Variants in ANO1 observed in about 807,000 individuals in gnomAD.
The protein encoded by ANO1 is anoctamin 1, also known as anoctamin-1.
ANO1 carries 59 observed loss-of-function variants against 124.0 expected under a neutral mutation model. That is an observed-to-expected ratio of 0.48 (90% CI 0.39 to 0.59). The LOEUF (loss-of-function observed/expected upper bound fraction) is 0.59, where lower values mean the gene tolerates loss of function less well. ANO1 is among the 20% of genes least tolerant of loss of function. ANO1 has a pLI of 0.00. For synonymous variants in ANO1, 529 were observed against 532.0 expected, an observed-to-expected ratio of 0.99 and a Z score of 0.08; for missense variants, 1,059 against 1,328.0, an observed-to-expected ratio of 0.80 and a Z score of 3.15.
chr11:70,093,487 G>C (rs926608672), intron 2 of ANO1, among the ~76,000 whole-genome samples: 10 of 152,186 alleles, frequency 6.6e-5, no homozygotes, highest in African/African-American at 2.4e-4. Flanking sequence ...TATGTCCATG[G>C]GGTCATTGCG....
chr11:69,973,624 C>T, the ANO1 span, among the ~76,000 whole-genome samples: 98,472 of 151,832 alleles, frequency 0.65, 32,755 homozygotes, highest in East Asian at 0.8. Context: ...CTGTAATCCC[C>T]GCACTTTGGG....
At chr11:70,033,651 A>T (rs1479545054) in intron 1 of ANO1, among the ~76,000 whole-genome samples, 3 of 152,028 alleles carry the variant, frequency 2.0e-5, no homozygotes, top group African/African-American at 7.2e-5. Flanking sequence ...GAGCACATGG[A>T]TGGGGGATGC....
intron 1 of ANO1, among the ~76,000 whole-genome samples, chr11:70,071,908 G>A (rs1325739687): frequency 6.6e-6 from 1 of 151,936 alleles, no homozygotes; most frequent in Non-Finnish European, 1.5e-5. Flanking sequence ...ACAAGTGTGA[G>A]CCACCATGCC....
At chr11:69,973,689 T>G in the ANO1 span, among the ~76,000 whole-genome samples, 8 of 151,962 alleles carry the variant, frequency 5.3e-5, no homozygotes, top group East Asian at 1.6e-3. Context: ...CTGGCCAACA[T>G]GGTGAAACCC....
intron 1 of ANO1, among the ~76,000 whole-genome samples, chr11:70,034,432 C>T (rs1382730115): frequency 2.6e-5 from 4 of 152,146 alleles, no homozygotes; most frequent in African/African-American, 9.7e-5. Context: ...GGACAGACCA[C>T]AAGGGCAGCT....
chr11:70,027,097 A>G (rs1465281777), intron 1 of ANO1, among the ~76,000 whole-genome samples: 1 of 152,104 alleles, frequency 6.6e-6, no homozygotes, highest in Non-Finnish European at 1.5e-5. Context: ...CTTTCTATGC[A>G]CTTTGCCTGC....
chr11:70,139,453 A>G lies in ANO1; in HGVS notation c.1258+7374A>G, dbSNP rs534404782. Among the ~76,000 whole-genome samples the G allele has an allele frequency of 5.3e-5, 8 of 152,262 alleles. No homozygotes were observed. The South Asian group carries it at 1.5e-3, about 28-fold the overall frequency. On this transcript the variant is annotated intron_variant, in intron 11 of 25. Coordinates refer to ENST00000355303, the MANE Select transcript of ANO1 (RefSeq NM_018043.7). ...ATTCTCCTGCCTCAGCCTCCCGAGT[A>G]GCTGGGATTATAGCCGCCCGCCACC...
intron 10 of ANO1, among the ~76,000 whole-genome samples, chr11:70,127,622 G>A (rs796135001): frequency 1.3e-5 from 2 of 152,306 alleles, no homozygotes; most frequent in South Asian, 4.1e-4. Context: ...CTTGAGCCCG[G>A]GAGGTCGAGG....
intron 1 of ANO1, among the ~76,000 whole-genome samples, chr11:70,040,488 C>A (rs1228162122): frequency 6.6e-6 from 1 of 152,100 alleles, no homozygotes; most frequent in East Asian, 1.9e-4. Context: ...AGTGGCCTGG[C>A]CAACATAGTG....
chr11:70,099,952 C>T (rs2515290), intron 2 of ANO1, among the ~76,000 whole-genome samples: 17,204 of 152,154 alleles, frequency 0.11, 1,628 homozygotes, highest in East Asian at 0.36. Context: ...CTCATCTTGC[C>T]GGAGCCCCTG....
intron 1 of ANO1, among the ~76,000 whole-genome samples, chr11:70,033,604 G>C (rs1555004040): frequency 6.6e-6 from 1 of 152,120 alleles, no homozygotes; most frequent in East Asian, 1.9e-4. Flanking sequence ...GTGCATAGTA[G>C]GTGGTCGGCA....
intron 1 of ANO1, among the ~76,000 whole-genome samples, chr11:70,022,247 G>A (rs115734709): frequency 1.1e-3 from 173 of 152,206 alleles, no homozygotes; most frequent in African/African-American, 3.8e-3. Context: ...GCCTCTTCAC[G>A]ACTCTGGACC....
At chr11:70,151,424 T>C (rs1445286482) in intron 12 of ANO1, among the ~76,000 whole-genome samples, 1 of 152,122 alleles carries the variant, frequency 6.6e-6, no homozygotes. Flanking sequence ...CTGGGTGGTC[T>C]CTTCCCTTGC....
chr11:70,062,067 C>CTTTTTTTTT (rs1175846749), intron 1 of ANO1, among the ~76,000 whole-genome samples: 12 of 62,284 alleles, frequency 1.9e-4, no homozygotes, highest in Admixed American at 2.2e-4. Flanking sequence ...TTCCTTCTTT[C>CTTTTTTTTT]TTTTTTTTTT....
intron 1 of ANO1, among the ~76,000 whole-genome samples, chr11:70,033,470 T>G (rs1211682825): frequency 6.6e-6 from 1 of 152,240 alleles, no homozygotes; most frequent in Non-Finnish European, 1.5e-5. Context: ...TCCAGGCTCC[T>G]GCCTTGGGTC....
chr11:70,120,488 G>T (rs777830729), intron 8 of ANO1, among the ~76,000 whole-genome samples: 4 of 152,136 alleles, frequency 2.6e-5, no homozygotes, highest in Non-Finnish European at 5.9e-5. Flanking sequence ...GGGTTGTGGG[G>T]GATTGATTCC....
the ANO1 span, among the ~76,000 whole-genome samples, chr11:69,978,078 C>T: frequency 6.6e-6 from 1 of 152,128 alleles, no homozygotes; most frequent in Non-Finnish European, 1.5e-5. Flanking sequence ...GAACTGGCAT[C>T]CCCTAAACCC....
Position 70,034,304 on chromosome 11 carries a change from T to G in ANO1, c.59-44238T>G, listed in dbSNP as rs1324173909. On this transcript the variant is annotated intron_variant, in intron 1 of 27. Coordinates refer to the ANO1 transcript ENST00000531349. ...AGGGGCAGGCACAGTGTCTCAGGAGTCTGCAGGACAGAGAAACCCCTCATA... is the reference window on the plus strand; with the variant it reads ...AGGGGCAGGCACAGTGTCTCAGGAGGCTGCAGGACAGAGAAACCCCTCATA... Among the ~76,000 whole-genome samples, 5 of 151,288 alleles carry G rather than the reference T, an allele frequency of 3.3e-5. No individual in the cohort carries two copies. The East Asian group carries it at 9.8e-4, about 30-fold the overall frequency.
chr11:70,125,013 C>T (rs867609892), intron 9 of ANO1, among the ~76,000 whole-genome samples: 1 of 152,234 alleles, frequency 6.6e-6, no homozygotes. Context: ...CATGGGCCAT[C>T]GCACACGGAA....
Sources: gnomAD v4.1 joint callset for allele counts (sites outside exome capture counted in the v4.1 genomes callset) on GRCh38, gnomAD v4.1.1 for gene constraint, MANE v1.5 for transcripts, NCBI Gene and HGNC (gene_info 2026-07-23, HGNC 2026-07-21) for gene names.